ACYP2: variants seen among roughly 807,000 people sequenced by gnomAD.
ACYP2 encodes the protein acylphosphatase 2, also known as acylphosphatase-2.
ACYP2 carries 12 observed loss-of-function variants against 11.2 expected under a neutral mutation model. That is an observed-to-expected ratio of 1.08 (90% CI 0.69 to 1.74). The LOEUF is 1.74. Among genes scored for constraint, ACYP2 ranks in the 40% most tolerant of loss-of-function variants. ACYP2 has a pLI of 0.00. For missense variants in ACYP2, 134 were observed against 101.9 expected, an observed-to-expected ratio of 1.31 and a Z score of -1.35; for synonymous variants, 43 against 32.2, an observed-to-expected ratio of 1.33 and a Z score of -1.13.
chr2:54,095,664 AC>A (rs1220225818), intron 4 of ACYP2, among the ~76,000 whole-genome samples: 2 of 122,376 alleles, frequency 1.6e-5, no homozygotes, highest in Non-Finnish European at 3.4e-5. Context: ...CGGGGGGCTG[AC>A]CCCCCCACCT....
intron 6 of ACYP2, among the ~76,000 whole-genome samples, chr2:54,155,907 A>G (rs1682411501): frequency 6.6e-6 from 1 of 152,230 alleles, no homozygotes; most frequent in Admixed American, 6.5e-5. Context: ...GTTTCATAGC[A>G]TTATTATCAG....
intron 2 of ACYP2, among the ~76,000 whole-genome samples, chr2:54,035,024 A>AAAAAAAAAAAAAAAAAAC (rs1558484917): frequency 7.2e-6 from 1 of 138,344 alleles, no homozygotes; most frequent in Non-Finnish European, 1.6e-5. Context: ...AAAAAAAAAA[A>AAAAAAAAAAAAAAAAAAC]AAAAAAAAGC....
rs766702440 is a variant in ACYP2 at position 54,178,271 on chromosome 2, G to C, written c.404+39523G>C. Among the ~76,000 whole-genome samples, 3 of 151,978 alleles carry C rather than the reference G, an allele frequency of 2.0e-5. No individual in the cohort carries two copies. The South Asian group carries it at 6.2e-4, about 31-fold the overall frequency. ...TTGATTTTTATCACAATACATCAAAGCATTTATTATGCCATTGAAAACTTC... is the reference window on the plus strand; with the variant it reads ...TTGATTTTTATCACAATACATCAAACCATTTATTATGCCATTGAAAACTTC... On this transcript the variant is annotated intron_variant, in intron 6 of 6. Transcript: ENST00000607452.
At chr2:54,291,709 TC>T (rs1298625722) in intron 6 of ACYP2, among the ~76,000 whole-genome samples, 22 of 152,338 alleles carry the variant, frequency 1.4e-4, no homozygotes, top group Non-Finnish European at 2.5e-4. Flanking sequence ...CCCATGTGGC[TC>T]GGGGGCCAAC....
chr2:54,033,009 A>T (rs914574901), intron 2 of ACYP2, among the ~76,000 whole-genome samples: 2 of 152,142 alleles, frequency 1.3e-5, no homozygotes, highest in African/African-American at 4.8e-5. Context: ...ATTGACAAAA[A>T]CCATTGTATG....
chr2:54,171,791 G>C (rs1420983348), intron 6 of ACYP2, among the ~76,000 whole-genome samples: 2 of 152,122 alleles, frequency 1.3e-5, no homozygotes, highest in Middle Eastern at 3.2e-3. Flanking sequence ...TAGGAAACAA[G>C]TTAAAAACGG....
At chr2:54,243,918 G>GTT (rs1051070680) in intron 6 of ACYP2, among the ~76,000 whole-genome samples, 1 of 143,840 alleles carries the variant, frequency 7.0e-6, no homozygotes, top group Admixed American at 7.0e-5. Flanking sequence ...AGTTGTTGCT[G>GTT]TTTTTTTTTT....
At chr2:54,168,906 A>T (rs1252059967) in intron 6 of ACYP2, among the ~76,000 whole-genome samples, 1 of 152,206 alleles carries the variant, frequency 6.6e-6, no homozygotes, top group Non-Finnish European at 1.5e-5. Flanking sequence ...CTTTCACTTA[A>T]ATGGCCTATA....
intron 6 of ACYP2, among the ~76,000 whole-genome samples, chr2:54,193,066 A>C (rs1684302520): frequency 6.6e-6 from 1 of 152,194 alleles, no homozygotes; most frequent in Non-Finnish European, 1.5e-5. Flanking sequence ...ATGTGACTTA[A>C]ACATGAAAAC....
At chr2:54,099,497 GT>G (rs1201938140) in intron 4 of ACYP2, among the ~76,000 whole-genome samples, 3 of 152,064 alleles carry the variant, frequency 2.0e-5, no homozygotes, top group African/African-American at 7.2e-5. Context: ...TGAGATCAGT[GT>G]TTTTAGATTC....
chr2:54,222,577 C>A (rs1349518018), intron 6 of ACYP2, among the ~76,000 whole-genome samples: 4 of 150,530 alleles, frequency 2.7e-5, no homozygotes, highest in Non-Finnish European at 4.4e-5. Flanking sequence ...AAATTACAAA[C>A]TGATTTACCT....
chr2:54,003,034 A>C (rs1573492204), intron 2 of ACYP2, among the ~76,000 whole-genome samples: 1 of 149,442 alleles, frequency 6.7e-6, no homozygotes, highest in East Asian at 2.0e-4. Flanking sequence ...TGCAACCTCC[A>C]CCTCCTGGGT....
At chr2:54,137,117 A>G (rs59778645) in intron 5 of ACYP2, among the ~76,000 whole-genome samples, 1,548 of 152,286 alleles carry the variant, frequency 0.01, 30 homozygotes, top group African/African-American at 0.036. Flanking sequence ...TTAAAAGACT[A>G]TTAATAATAA....
chr2:54,113,788 C>T (rs1679585787), intron 4 of ACYP2, among the ~76,000 whole-genome samples: 1 of 152,038 alleles, frequency 6.6e-6, no homozygotes, highest in Admixed American at 6.6e-5. Context: ...ACTGAGAGAG[C>T]AGAATAACCG....
rs60217019 is a variant in ACYP2, at chr2:54,201,682, C to CTTTCTTTCTG, written c.404+62935_404+62936insTTCTTTCTGT. On this transcript the variant is annotated intron_variant, in intron 6 of 6. Transcript: ENST00000607452. ...TCTTTCTTTCTTTCTTTCTTTCTTT[C>CTTTCTTTCTG]TCTCTCTCTCTCTCTCTTTTTTCTT... is the stretch of plus-strand genomic sequence containing the variant. Among the ~76,000 whole-genome samples the CTTTCTTTCTG allele has an allele frequency of 8.0e-4, 89 of 110,726 alleles. 1 individual carries two copies. The highest frequency in any genetic ancestry group is 8.7e-3 in the Middle Eastern group (2 of 230). 72.6% of individuals were successfully genotyped at this position (110,726 alleles called of 152,430 possible).
chr2:53,994,756 A>G (rs1173317634), intron 2 of ACYP2, among the ~76,000 whole-genome samples: 1 of 152,220 alleles, frequency 6.6e-6, no homozygotes, highest in African/African-American at 2.4e-5. Context: ...AAATTATTCT[A>G]GAACTGAATA....
intron 2 of ACYP2, among the ~76,000 whole-genome samples, chr2:54,014,322 C>CCTTT (rs1383303196): frequency 1.3e-5 from 2 of 151,696 alleles, no homozygotes; most frequent in South Asian, 2.1e-4. Flanking sequence ...TCTTTTTTTA[C>CCTTT]CTTTCTTTCT....
At chr2:53,991,555 G>A (rs1220214146) in intron 2 of ACYP2, among the ~76,000 whole-genome samples, 3 of 151,698 alleles carry the variant, frequency 2.0e-5, no homozygotes, top group African/African-American at 2.4e-5. Flanking sequence ...ACAGGCATGC[G>A]CCACCACACC....
At chr2:53,976,470 G>A (rs1439196805) in intron 2 of ACYP2, among the ~76,000 whole-genome samples, 1 of 152,196 alleles carries the variant, frequency 6.6e-6, no homozygotes, top group Non-Finnish European at 1.5e-5. Flanking sequence ...GCCTCCCAAA[G>A]TGCTGGGATT....
Sources: allele counts gnomAD v4.1 joint callset (sites outside exome capture counted in the v4.1 genomes callset), GRCh38; gene constraint gnomAD v4.1.1; transcripts MANE v1.5; gene names NCBI Gene and HGNC (gene_info 2026-07-23, HGNC 2026-07-21).